SGIP1: variants seen among roughly 807,000 people sequenced by gnomAD.
The protein encoded by SGIP1 is SH3GL interacting endocytic adaptor 1, also known as SH3-containing GRB2-like protein 3-interacting protein 1.
Under a neutral mutation model 107.5 loss-of-function variants are expected in SGIP1, and 38 were observed. The observed-to-expected ratio is 0.35, with a 90% CI of 0.27 to 0.46. SGIP1 has a LOEUF of 0.46. Ranked by LOEUF, SGIP1 falls within the 20% of genes least tolerant of loss-of-function variation. SGIP1 has a pLI of 1.00. For synonymous variants in SGIP1, 365 were observed against 366.1 expected (o/e 1.00, Z 0.03); for missense variants, 929 against 1,019.5 (o/e 0.91, Z 1.21).
chr1:66,654,777 C>G (rs2079419624), intron 7 of SGIP1, among the ~76,000 whole-genome samples: 1 of 152,190 alleles, frequency 6.6e-6, no homozygotes, highest in Admixed American at 6.5e-5. Flanking sequence ...CAGCCTCTAA[C>G]TGCCCATGGA....
intron 1 of SGIP1, among the ~76,000 whole-genome samples, chr1:66,561,555 A>G (rs1380891029): frequency 6.6e-6 from 1 of 152,098 alleles, no homozygotes; most frequent in African/African-American, 2.4e-5. Context: ...ATTAGAGTCT[A>G]CAGAGCACTC....
Position 66,667,527 on chromosome 1 carries a change from C to T in SGIP1, c.472-3C>T. On this transcript the variant is annotated splice_polypyrimidine_tract_variant and splice_region_variant and intron_variant, in intron 8 of 24. Transcript: ENST00000371037. ...GTTCTCTCTTCCTTTTTGCTGATCA[C>T]AGAGGCGCAGCCCGGTAAGAACTCT... 6.2e-7 allele frequency: 1 copy of T among 1,613,692 alleles called. No homozygotes were observed. The highest frequency in any genetic ancestry group is 8.5e-7 in the Non-Finnish European group (1 of 1,179,694).
At chr1:66,577,427 C>A (rs375794250) in intron 1 of SGIP1, among the ~76,000 whole-genome samples, 53 of 152,148 alleles carry the variant, frequency 3.5e-4, no homozygotes, top group African/African-American at 1.3e-3. Context: ...TAAGCATTCT[C>A]TGCTTTTAAC....
At chr1:66,605,339 C>T (rs1485361276) in intron 1 of SGIP1, among the ~76,000 whole-genome samples, 3 of 152,086 alleles carry the variant, frequency 2.0e-5, no homozygotes, top group African/African-American at 7.2e-5. Flanking sequence ...CAGTAATTCC[C>T]AGATAAAGCC....
Position 66,636,009 on chromosome 1 carries a change from A to T in SGIP1, c.165A>T (p.Lys55Asn), listed in dbSNP as rs141925067. The change falls in exon 4 of 25, where the codon AAA (lysine) becomes AAT (asparagine). Residue 55 changes from lysine to asparagine, a missense_variant. By Grantham distance (94) the Lys-to-Asn change is moderately conservative. Transcript: ENST00000371037. ...KAECAREGGK[K>N]VSKKSNGAPN... ...AGTGTGCGCGTGAAGGAGGAAAAAA[A>T]GTTTCGGTAAGGAAACAGATTTTAG... The T allele has an allele frequency of 7.9e-5, 127 of 1,613,626 alleles. No individual in the cohort carries two copies. Among genetic ancestry groups the T allele is most frequent in the Non-Finnish European group, 1.0e-4 (118 of 1,179,842 alleles).
chr1:66,682,672 A>G (rs2087030246), intron 15 of SGIP1, among the ~76,000 whole-genome samples: 1 of 151,994 alleles, frequency 6.6e-6, no homozygotes, highest in South Asian at 2.1e-4. Context: ...GGAATTCAGG[A>G]AAGTTCTAGG....
intron 8 of SGIP1, among the ~76,000 whole-genome samples, chr1:66,665,171 G>A (rs1053414518): frequency 6.6e-6 from 1 of 152,094 alleles, no homozygotes; most frequent in Non-Finnish European, 1.5e-5. Flanking sequence ...CCCACCCTGT[G>A]TCCAAGCATT....
chr1:66,711,731 C>T (rs17129373), intron 18 of SGIP1, among the ~76,000 whole-genome samples: 3,332 of 152,208 alleles, frequency 0.022, 119 homozygotes, highest in African/African-American at 0.077. Flanking sequence ...GGCCTGATAG[C>T]CTGCAAAATG....
chr1:66,610,904 G>C (rs2067864178), intron 1 of SGIP1, among the ~76,000 whole-genome samples: 2 of 152,042 alleles, frequency 1.3e-5, no homozygotes, highest in Non-Finnish European at 2.9e-5. Flanking sequence ...AACATTGTAT[G>C]CTCTCACTCA....
chr1:66,741,829 G>A (rs1024706753), intron 24 of SGIP1, among the ~76,000 whole-genome samples: 3 of 151,434 alleles, frequency 2.0e-5, no homozygotes, highest in East Asian at 3.9e-4. Flanking sequence ...CTGCAGTGGC[G>A]CGATCTCTAC....
chr1:66,583,455 A>T (rs540854391), intron 1 of SGIP1, among the ~76,000 whole-genome samples: 1 of 152,072 alleles, frequency 6.6e-6, no homozygotes, highest in Non-Finnish European at 1.5e-5. Context: ...AACTACTGGG[A>T]TTAACTATTT....
chr1:66,566,072 A>G (rs1381535188), intron 1 of SGIP1, among the ~76,000 whole-genome samples: 1 of 152,032 alleles, frequency 6.6e-6, no homozygotes, highest in Non-Finnish European at 1.5e-5. Context: ...AATGAAAGAT[A>G]TATTCACTTA....
At chr1:66,727,210 C>T (rs1461931828) in intron 19 of SGIP1, among the ~76,000 whole-genome samples, 1 of 152,100 alleles carries the variant, frequency 6.6e-6, no homozygotes, top group African/African-American at 2.4e-5. Context: ...ATAAAGAAAC[C>T]TTGACATTCA....
At position 66,747,657 on chromosome 1, in the gene SGIP1, A is replaced by T. The variant is rs1181974323; in HGVS notation, c.*4562A>T. 3 of 152,042 alleles carry T rather than the reference A, an allele frequency of 2.0e-5. No homozygotes were observed. Among genetic ancestry groups the T allele is most frequent in the Non-Finnish European group, 2.9e-5 (2 of 67,880 alleles). 9.4% of individuals were successfully genotyped at this position (152,042 alleles called of 1,614,324 possible). ...TTTGTAAGCTTTTGACTTTACAAAC[A>T]TGTGGTAGCCTCATTCTAAAAGAGT... On this transcript the variant is annotated 3_prime_UTR_variant, in exon 25 of 25. Coordinates refer to ENST00000371037, the MANE Select transcript of SGIP1 (RefSeq NM_032291.4).
chr1:66,677,892 A>G (rs539820830), intron 13 of SGIP1, among the ~76,000 whole-genome samples: 18 of 152,214 alleles, frequency 1.2e-4, no homozygotes, highest in Non-Finnish European at 2.1e-4. Context: ...CAGACCAACC[A>G]ATACTTTTTC....
chr1:66,635,795 C>A, intron 3 of SGIP1, 149 bp from the exon 4 acceptor site: 1 of 742,882 alleles, frequency 1.3e-6, no homozygotes, highest in Non-Finnish European at 2.2e-6. Flanking sequence ...CTTAAGGAAC[C>A]CTGCCAAGAT....
At chr1:66,689,433 C>A (rs945230123) in intron 16 of SGIP1, among the ~76,000 whole-genome samples, 158 bp downstream of exon 16, 1 of 152,182 alleles carries the variant, frequency 6.6e-6, no homozygotes, top group Non-Finnish European at 1.5e-5. Context: ...ACATTTCAAC[C>A]CTCCTCAAAT....
chr1:66,572,240 A>G (rs180708848), intron 1 of SGIP1, among the ~76,000 whole-genome samples: 4 of 152,142 alleles, frequency 2.6e-5, no homozygotes, highest in African/African-American at 9.6e-5. Context: ...CAGAGATTTG[A>G]CTTCCCTAAA....
At chr1:66,554,806 TAGAA>T (rs1279169768) in intron 1 of SGIP1, among the ~76,000 whole-genome samples, 1 of 152,112 alleles carries the variant, frequency 6.6e-6, no homozygotes, top group Admixed American at 6.6e-5. Context: ...CAACCTGTAA[TAGAA>T]AGAGTCACAA....
Sources: allele counts gnomAD v4.1 joint callset (sites outside exome capture counted in the v4.1 genomes callset), GRCh38; gene constraint gnomAD v4.1.1; transcripts MANE v1.5; gene names NCBI Gene and HGNC (gene_info 2026-07-23, HGNC 2026-07-21).